Variants in SHROOM3 observed in about 807,000 individuals in gnomAD.
SHROOM3 encodes the protein protein Shroom3.
In SHROOM3, 47 loss-of-function variants were observed where a neutral mutation model predicts 138.6. That is an observed-to-expected ratio of 0.34 (90% CI 0.27 to 0.43). The LOEUF (loss-of-function observed/expected upper bound fraction) is 0.43, where lower values mean the gene tolerates loss of function less well. Among genes scored for constraint, SHROOM3 ranks in the 20% least tolerant of loss-of-function variants. The pLI, the probability that SHROOM3 is intolerant of heterozygous loss-of-function variation, is 1.00. For missense variants in SHROOM3, 2,491 were observed against 2,596.5 expected (o/e 0.96, Z 0.88); for synonymous variants, 1,062 against 1,063.3 (o/e 1.00, Z 0.02).
At chr4:76,746,531 A>G (rs150163880) in intron 5 of SHROOM3, among the ~76,000 whole-genome samples, 3 of 152,306 alleles carry the variant, frequency 2.0e-5, no homozygotes, top group African/African-American at 7.2e-5. Context: ...AGCACACTCT[A>G]TAATGTTTGC....
chr4:76,661,019 ACTCCTGGCCTCAAGTGATC>A, intron 2 of SHROOM3, among the ~76,000 whole-genome samples: 1 of 150,658 alleles, frequency 6.6e-6, no homozygotes, highest in Non-Finnish European at 1.5e-5. Context: ...CTTGTCTTGA[ACTCCTGGCCTCAAGTGATC>A]CTCCTGCCTC....
intron 2 of SHROOM3, among the ~76,000 whole-genome samples, chr4:76,578,879 A>G (rs901385614): frequency 2.0e-5 from 3 of 152,232 alleles, no homozygotes; most frequent in African/African-American, 7.2e-5. Context: ...CACTGAATTT[A>G]ATAAAGTTTT....
At chr4:76,510,819 T>C (rs1450881828) in intron 1 of SHROOM3, among the ~76,000 whole-genome samples, 2 of 152,180 alleles carry the variant, frequency 1.3e-5, no homozygotes, top group Non-Finnish European at 2.9e-5. Flanking sequence ...ATCTAGGTCT[T>C]GGTTCCCTCA....
intron 10 of SHROOM3, among the ~76,000 whole-genome samples, chr4:76,774,937 C>T (rs928774114): frequency 2.6e-5 from 4 of 151,776 alleles, no homozygotes; most frequent in African/African-American, 9.7e-5. Flanking sequence ...GATTGATTTT[C>T]ATTTTAATTT....
intron 2 of SHROOM3, among the ~76,000 whole-genome samples, chr4:76,697,314 G>A (rs1174348669): frequency 6.6e-6 from 1 of 152,100 alleles, no homozygotes; most frequent in East Asian, 1.9e-4. Context: ...GGGCCCCAGA[G>A]TTGAGGCAGG....
chr4:76,743,168 G>A lies in SHROOM3; in HGVS notation c.3753+1242G>A, dbSNP rs114405477. On this transcript the variant is annotated intron_variant, in intron 5 of 10. Transcript: ENST00000296043. ...GGGCCAGGATGTAAAAGATGGGCAT[G>A]ATGACAAGAGATTAGGGGAGAGGGG... is the stretch of plus-strand genomic sequence containing the variant. Among the ~76,000 whole-genome samples the A allele has an allele frequency of 8.2e-3, 1,247 of 152,314 alleles. 17 individuals are homozygous for A. Among genetic ancestry groups the A allele is most frequent in the African/African-American group, 0.029 (1,186 of 41,564 alleles).
At chr4:76,497,545 G>T (rs13106413) in intron 1 of SHROOM3, among the ~76,000 whole-genome samples, 86,238 of 152,020 alleles carry the variant, frequency 0.57, 25,390 homozygotes, top group Non-Finnish European at 0.64. Context: ...AGCAAGGCAT[G>T]CCTGACATGT....
chr4:76,507,478 C>T (rs997140555), intron 1 of SHROOM3, among the ~76,000 whole-genome samples: 1 of 150,068 alleles, frequency 6.7e-6, no homozygotes, highest in African/African-American at 2.4e-5. Flanking sequence ...TTGACTTGCA[C>T]TTATTTAATA....
intron 2 of SHROOM3, among the ~76,000 whole-genome samples, chr4:76,592,199 C>G (rs1055145125): frequency 6.6e-6 from 1 of 152,042 alleles, no homozygotes; most frequent in African/African-American, 2.4e-5. Flanking sequence ...CTGGGGCAAA[C>G]GTGTTTGGGA....
chr4:76,756,417 C>A, intron 7 of SHROOM3, 32 bp from the exon 8 acceptor site: 1 of 1,267,562 alleles, frequency 7.9e-7, no homozygotes, highest in Non-Finnish European at 1.1e-6. Flanking sequence ...CTCTCTCTCT[C>A]TTTTTTTTTT....
intron 1 of SHROOM3, among the ~76,000 whole-genome samples, chr4:76,515,251 T>A (rs958807956): frequency 1.3e-5 from 2 of 149,508 alleles, no homozygotes; most frequent in African/African-American, 2.5e-5. Flanking sequence ...CTGGATGTTG[T>A]GGCATGTGCC....
At chr4:76,564,886 G>A (rs1377702473) in intron 2 of SHROOM3, among the ~76,000 whole-genome samples, 1 of 152,154 alleles carries the variant, frequency 6.6e-6, no homozygotes, top group Non-Finnish European at 1.5e-5. Context: ...TCAAGGCTGG[G>A]TGCGGTGGCT....
chr4:76,532,357 A>C (rs576319949), intron 1 of SHROOM3: 1 of 152,172 alleles, frequency 6.6e-6, no homozygotes, highest in Admixed American at 6.6e-5. Context: ...TCCTTCTTTC[A>C]CAGTAAGTAG....
At chr4:76,457,810 T>C (rs1326329803) in intron 1 of SHROOM3, among the ~76,000 whole-genome samples, 1 of 151,166 alleles carries the variant, frequency 6.6e-6, no homozygotes, top group African/African-American at 2.4e-5. Context: ...TTTTTTTTTT[T>C]TTTGAGAGGG....
At chr4:76,445,829 C>T (rs936779422) in intron 1 of SHROOM3, among the ~76,000 whole-genome samples, 6 of 152,170 alleles carry the variant, frequency 3.9e-5, no homozygotes, top group African/African-American at 1.4e-4. Context: ...CCTTCTTCCT[C>T]CCTCTCATGT....
At chr4:76,526,808 A>G (rs1037224082) in intron 1 of SHROOM3, among the ~76,000 whole-genome samples, 2 of 152,174 alleles carry the variant, frequency 1.3e-5, no homozygotes, top group African/African-American at 2.4e-5. Context: ...GTGAAATATA[A>G]TAATTGTTTA....
chr4:76,605,301 T>C (rs1412668150), intron 2 of SHROOM3, among the ~76,000 whole-genome samples: 1 of 152,082 alleles, frequency 6.6e-6, no homozygotes, highest in Non-Finnish European at 1.5e-5. Context: ...GCCCGGGAAA[T>C]ACCTAAATGA....
intron 2 of SHROOM3, among the ~76,000 whole-genome samples, chr4:76,592,077 G>A (rs1237011831): frequency 1.3e-5 from 2 of 152,186 alleles, no homozygotes; most frequent in African/African-American, 4.8e-5. Context: ...GGTGGTGGAA[G>A]GACCTGCTAA....
intron 1 of SHROOM3, among the ~76,000 whole-genome samples, chr4:76,487,628 G>A (rs6532418): frequency 0.097 from 14,701 of 151,116 alleles, 866 homozygotes; most frequent in South Asian, 0.18. Context: ...GTTGTGAGCC[G>A]GTAGGTGAAC....
Sources: allele counts gnomAD v4.1 joint callset (sites outside exome capture counted in the v4.1 genomes callset), GRCh38; gene constraint gnomAD v4.1.1; transcripts MANE v1.5; gene names NCBI Gene and HGNC (gene_info 2026-07-23, HGNC 2026-07-21).